Variants in TTL observed in about 807,000 individuals in gnomAD.
TTL encodes the protein tubulin--tyrosine ligase.
Under a neutral mutation model 41.1 loss-of-function variants are expected in TTL, and 10 were observed. That is an observed-to-expected ratio of 0.24 (90% CI 0.15 to 0.41). The LOEUF is 0.41. Among genes scored for constraint, TTL ranks in the 10% least tolerant of loss-of-function variants. The pLI, the probability that TTL is intolerant of heterozygous loss-of-function variation, is 1.00. For missense variants in TTL, 367 were observed against 460.4 expected, an observed-to-expected ratio of 0.80 and a Z score of 1.86; for synonymous variants, 175 against 175.5, an observed-to-expected ratio of 1.00 and a Z score of 0.02.
At position 112,541,556 on chromosome 2, in the gene TTL, C is replaced by T. The variant is rs1259233010; in HGVS notation, c.*12761C>T. The stretch of plus-strand genomic sequence containing the variant: ...AGGGGAAGTTGACAGTAAGGAGGGA[C>T]TATCAGGGGCAGGAGGATACTGGGT... On this transcript the variant is annotated 3_prime_UTR_variant, in exon 7 of 7. Transcript: ENST00000233336. The T allele has an allele frequency of 6.6e-6, 1 of 152,354 alleles. No homozygotes were observed. Among genetic ancestry groups the T allele is most frequent in the African/African-American group, 2.4e-5 (1 of 41,360 alleles). 9.4% of individuals were successfully genotyped at this position (152,354 alleles called of 1,614,324 possible). A position where few individuals can be genotyped will look rare whatever the true frequency, so the allele number is the denominator to read the frequency against.
rs2104490993 is a variant in TTL at position 112,540,881 on chromosome 2, TTAG to T, written c.*12090_*12092del. The T allele has an allele frequency of 6.6e-6, 1 of 152,288 alleles. No individual in the cohort carries two copies. Among genetic ancestry groups the T allele is most frequent in the East Asian group, 1.9e-4 (1 of 5,190 alleles). The allele number at this position is 152,288 out of a possible 1,614,324, so 9.4% of individuals were successfully genotyped here. A position where few individuals can be genotyped will look rare whatever the true frequency, so the allele number is the denominator to read the frequency against. On this transcript the variant is annotated 3_prime_UTR_variant, in exon 7 of 7. Transcript: ENST00000233336. ...TGTAAGAGTTGAAACTACAAAACTCTTAGTAGAAAATATAGGTGAAAATCCCCA... is the reference window on the plus strand; with the variant it reads ...TGTAAGAGTTGAAACTACAAAACTCTTAGAAAATATAGGTGAAAATCCCCA...
intron 1 of TTL, chr2:112,483,138 A>G (rs1244045943): frequency 1.3e-5 from 2 of 152,278 alleles, no homozygotes; most frequent in Non-Finnish European, 2.9e-5. Flanking sequence ...GTGTTTTCGC[A>G]GTTCTGCATT....
At chr2:112,484,219 T>A (rs953564707) in intron 1 of TTL, among the ~76,000 whole-genome samples, 1 of 151,436 alleles carries the variant, frequency 6.6e-6, no homozygotes, top group African/African-American at 2.4e-5. Context: ...ACGTTTGAGC[T>A]TTTTGTTTGT....
chr2:112,514,187 C>G (rs954199151), intron 5 of TTL, among the ~76,000 whole-genome samples: 2 of 151,970 alleles, frequency 1.3e-5, no homozygotes, highest in African/African-American at 2.4e-5. Context: ...AGTTCAAGAC[C>G]AGCCTGATAC....
At position 112,541,697 on chromosome 2, in the gene TTL, C is replaced by G. The variant is rs144135061; in HGVS notation, c.*12902C>G. 311 of 211,258 alleles carry G rather than the reference C, an allele frequency of 1.5e-3. 1 individual carries two copies. Among genetic ancestry groups the G allele is most frequent in the African/African-American group, 7.0e-3 (302 of 42,946 alleles). The allele number at this position is 211,258 out of a possible 1,614,324, so 13.1% of individuals were successfully genotyped here. On this transcript the variant is annotated 3_prime_UTR_variant, in exon 7 of 7. Coordinates refer to ENST00000233336, the MANE Select transcript of TTL (RefSeq NM_153712.5). ...GGTTTATTGTATGCCAGTTATAACG[C>G]AATATAGCTGTTAAACACAAACACA...
At position 112,503,104 on chromosome 2, in the gene TTL, G is replaced by C; in HGVS notation, c.798G>C (p.Glu266Asp). 6.2e-7 allele frequency: 1 copy of C among 1,613,486 alleles called. No homozygotes were observed. Among genetic ancestry groups the C allele is most frequent in the Non-Finnish European group, 8.5e-7 (1 of 1,179,936 alleles). ...YEEGNEMFFK[E>D]FNQYLTSALN... ...AAGGAAATGAAATGTTCTTCAAGGA[G>C]TTCAATCAGTACCTAACAAGTGCTT... The change falls in exon 5 of 7, where the codon GAG (glutamate) becomes GAC (aspartate). Residue 266 changes from glutamate to aspartate, a missense_variant. Transcript: ENST00000233336.
intron 2 of TTL, among the ~76,000 whole-genome samples, chr2:112,487,851 T>C (rs1413063250): frequency 6.6e-6 from 1 of 152,210 alleles, no homozygotes; most frequent in African/African-American, 2.4e-5. Context: ...CCTTTATCCA[T>C]TTGTCTCTCT....
At chr2:112,501,757 C>T (rs1240243352) in intron 4 of TTL, among the ~76,000 whole-genome samples, 3 of 151,542 alleles carry the variant, frequency 2.0e-5, no homozygotes, top group African/African-American at 7.3e-5. Context: ...ATCCCATCTA[C>T]TCAGGAGGCT....
At chr2:112,496,540 GA>G (rs1332676121) in intron 3 of TTL, among the ~76,000 whole-genome samples, 4 of 152,108 alleles carry the variant, frequency 2.6e-5, no homozygotes, top group South Asian at 2.1e-4. Context: ...ATCTATAACA[GA>G]AAATTATTGT....
In TTL at chr2:112,507,835, G is replaced by A. The variant is rs1323420078; in HGVS notation, c.875+4654G>A. Among the ~76,000 whole-genome samples the A allele has an allele frequency of 3.8e-3, 498 of 132,182 alleles. 5 individuals are homozygous for A. Among genetic ancestry groups the A allele is most frequent in the African/African-American group, 0.014 (472 of 33,324 alleles). 86.7% of individuals were successfully genotyped at this position (132,182 alleles called of 152,430 possible). On this transcript the variant is annotated intron_variant, in intron 5 of 6. Transcript: ENST00000233336. ...TTATATTTAAAGTTAATATTGTTAT[G>A]TGTGAATTTGATCCTGTCATTATGA...
intron 4 of TTL, 76 bp from the exon 5 acceptor site, chr2:112,502,836 G>C (rs780399367): frequency 6.7e-7 from 1 of 1,493,130 alleles, no homozygotes; most frequent in Non-Finnish European, 9.0e-7. Context: ...AAGAAGTCAA[G>C]ATGTGGGGAT....
intron 2 of TTL, among the ~76,000 whole-genome samples, chr2:112,493,789 A>G (rs1559011581): frequency 6.6e-6 from 1 of 151,924 alleles, no homozygotes; most frequent in Non-Finnish European, 1.5e-5. Context: ...TCTCTTCCCC[A>G]TTTCATTTTT....
At chr2:112,513,390 T>G (rs1681978562) in intron 5 of TTL, among the ~76,000 whole-genome samples, 1 of 151,990 alleles carries the variant, frequency 6.6e-6, no homozygotes, top group South Asian at 2.1e-4. Context: ...AAGCATTTCT[T>G]TTAGAGTTTT....
chr2:112,485,775 CAG>C, intron 1 of TTL, 140 bp from the exon 2 acceptor site: 1 of 750,504 alleles, frequency 1.3e-6, no homozygotes, highest in Non-Finnish European at 2.2e-6. Context: ...TCCCTGGGGA[CAG>C]AGAAACAAAA....
In TTL at chr2:112,528,792, G is replaced by C. The variant is rs1031806629; in HGVS notation, c.1131G>C (p.Leu377=). 1 of 1,613,148 alleles carries C rather than the reference G, an allele frequency of 6.2e-7. No individual in the cohort carries two copies. The highest frequency in any genetic ancestry group is 1.3e-5 in the African/African-American group (1 of 74,900). Residue 377 remains leucine, a synonymous_variant, in exon 7 of 7, where the codon CTG becomes CTC. Coordinates refer to ENST00000233336, the MANE Select transcript of TTL (RefSeq NM_153712.5). ...PQTQPAAFIK[L] ...CCCAGCCAGCTGCCTTCATCAAGCT[G>C]TGACAGAGGGCACTCCCTGCTGCCT... is the stretch of plus-strand genomic sequence containing the variant.
rs1682639340 is a variant in TTL, at chr2:112,538,475, T to C, written c.*9680T>C. On this transcript the variant is annotated 3_prime_UTR_variant, in exon 7 of 7. Transcript: ENST00000233336. ...TTACAAAGTTTGGAATAACTCATGTTCTCTTGTAAGTGGAAGCTAGGCTGA... is the reference window on the plus strand; with the variant it reads ...TTACAAAGTTTGGAATAACTCATGTCCTCTTGTAAGTGGAAGCTAGGCTGA... The C allele has an allele frequency of 6.6e-6, 1 of 152,198 alleles. No individual in the cohort carries two copies. The highest frequency in any genetic ancestry group is 1.5e-5 in the Non-Finnish European group (1 of 68,030). 9.4% of individuals were successfully genotyped at this position (152,198 alleles called of 1,614,324 possible).
At position 112,538,138 on chromosome 2, in the gene TTL, C is replaced by T. The variant is rs948755842; in HGVS notation, c.*9343C>T. The stretch of plus-strand genomic sequence containing the variant: ...TAATAATAATTCTTTTAAAACTTCC[C>T]ACAGGGAAAAGCCCAGGACCAGATT... On this transcript the variant is annotated 3_prime_UTR_variant, in exon 7 of 7. Transcript: ENST00000233336. 6 of 152,104 alleles carry T rather than the reference C, an allele frequency of 3.9e-5. No individual in the cohort carries two copies. The highest frequency in any genetic ancestry group is 9.7e-5 in the African/African-American group (4 of 41,404). 9.4% of individuals were successfully genotyped at this position (152,104 alleles called of 1,614,324 possible). A position where few individuals can be genotyped will look rare whatever the true frequency, so the allele number is the denominator to read the frequency against.
At chr2:112,488,937 A>C (rs1056009821) in intron 2 of TTL, among the ~76,000 whole-genome samples, 1 of 151,408 alleles carries the variant, frequency 6.6e-6, no homozygotes, top group Non-Finnish European at 1.5e-5. Flanking sequence ...AAATATAAAA[A>C]TTAGCTGGGC....
chr2:112,524,039 G>A (rs1682312850), intron 6 of TTL, among the ~76,000 whole-genome samples: 1 of 152,134 alleles, frequency 6.6e-6, no homozygotes. Flanking sequence ...GTGAGAACAT[G>A]CAGTGTTTTG....
Sources: gnomAD v4.1 joint callset for allele counts (sites outside exome capture counted in the v4.1 genomes callset) on GRCh38, gnomAD v4.1.1 for gene constraint, MANE v1.5 for transcripts, NCBI Gene and HGNC (gene_info 2026-07-23, HGNC 2026-07-21) for gene names.